The following FAM3B variants were observed in gnomAD, a reference collection of about 807,000 sequenced individuals.
FAM3B encodes FAM3 metabolism regulating signaling molecule B, also known as protein FAM3B.
In FAM3B, 29 loss-of-function variants were observed where a neutral mutation model predicts 28.4. The observed-to-expected ratio is 1.02, with a 90% confidence interval of 0.76 to 1.39. FAM3B has a LOEUF of 1.39. Ranked by LOEUF, FAM3B falls within the 40% of genes most tolerant of loss-of-function variation. The probability of loss-of-function intolerance (pLI) is 0.00; values close to 1 mark genes in which losing one functional copy is unlikely to be tolerated. For synonymous variants in FAM3B, 91 were observed against 103.0 expected (o/e 0.88, Z 0.71); for missense variants, 266 against 293.9 (o/e 0.91, Z 0.69).
Position 41,354,310 on chromosome 21 carries a change from T to C in FAM3B, c.619-2798T>C, listed in dbSNP as rs114746748. Among the ~76,000 whole-genome samples, 806 of 152,334 alleles carry C rather than the reference T, an allele frequency of 5.3e-3. 5 individuals carry two copies. Among genetic ancestry groups the C allele is most frequent in the African/African-American group, 0.019 (771 of 41,570 alleles). Reference sequence around the variant, plus strand: ...GAATATTCCTAACAAATTATATTTGTTATAAGTAAAATTTAATATTCAAAA... The same window carrying C: ...GAATATTCCTAACAAATTATATTTGCTATAAGTAAAATTTAATATTCAAAA... On this transcript the variant is annotated intron_variant, in intron 7 of 7. Transcript: ENST00000357985.
At chr21:41,304,378 T>A (rs1258811054) in intron 1 of FAM3B, 2 of 451,138 alleles carry the variant, frequency 4.4e-6, no homozygotes, top group Non-Finnish European at 8.9e-6. Flanking sequence ...CGCCTGCATC[T>A]GGGACCCTGA....
chr21:41,333,505 C>T (rs567022441), intron 2 of FAM3B, among the ~76,000 whole-genome samples: 50 of 152,306 alleles, frequency 3.3e-4, no homozygotes, highest in African/African-American at 1.2e-3. Context: ...ATGCCTGCTA[C>T]CCCTTTGGCT....
intron 7 of FAM3B, among the ~76,000 whole-genome samples, chr21:41,349,007 A>G (rs1272298721): frequency 6.6e-6 from 1 of 152,202 alleles, no homozygotes; most frequent in East Asian, 1.9e-4. Flanking sequence ...TACCTCCCCA[A>G]GCTCCTGCTA....
intron 6 of FAM3B, among the ~76,000 whole-genome samples, chr21:41,347,836 T>C (rs954815293): frequency 6.6e-6 from 1 of 152,010 alleles, no homozygotes; most frequent in Non-Finnish European, 1.5e-5. Context: ...TGTAGCTCAG[T>C]GCCTCTCAGA....
intron 2 of FAM3B, among the ~76,000 whole-genome samples, chr21:41,336,131 T>C (rs2088953305): frequency 6.6e-6 from 1 of 152,202 alleles, no homozygotes; most frequent in South Asian, 2.1e-4. Flanking sequence ...TTCCACCATG[T>C]CAGGACACAG....
intron 1 of FAM3B, 24 bp downstream of exon 1, chr21:41,316,922 C>G (rs1190635391): frequency 2.2e-6 from 3 of 1,346,442 alleles, no homozygotes; most frequent in Non-Finnish European, 2.9e-6. Context: ...CGCCTCGGGG[C>G]GAGGGTAGGG....
At chr21:41,356,040 TACACACACACAC>T (rs59345837) in intron 7 of FAM3B, among the ~76,000 whole-genome samples, 42 of 119,968 alleles carry the variant, frequency 3.5e-4, no homozygotes, top group East Asian at 4.9e-4. Context: ...AAAAAATACA[TACACACACACAC>T]ACACACACAC....
intron 2 of FAM3B, among the ~76,000 whole-genome samples, chr21:41,332,722 C>T (rs1045398578): frequency 1.3e-5 from 2 of 152,018 alleles, no homozygotes; most frequent in African/African-American, 4.8e-5. Context: ...TTCCTTTTTT[C>T]GGTGTATAAT....
intron 7 of FAM3B, among the ~76,000 whole-genome samples, chr21:41,356,038 C>A (rs1020386929): frequency 1.7e-5 from 2 of 115,252 alleles, no homozygotes; most frequent in Admixed American, 8.6e-5. Context: ...GAAAAAAATA[C>A]ATACACACAC....
chr21:41,304,302 C>A, exon 1 of FAM3B: 1 of 455,930 alleles, frequency 2.2e-6, no homozygotes, highest in Non-Finnish European at 4.4e-6. Flanking sequence ...GGCAGGAGCC[C>A]GAGACTGGGT....
rs148661800 is a variant in FAM3B, at chr21:41,304,774, T to C, written n.99+464T>C. 2.0e-4 allele frequency among the ~76,000 whole-genome samples: 31 copies of C among 152,182 alleles called. No individual in the cohort carries two copies. In the East Asian group the frequency reaches 4.6e-3, roughly 23 times the overall value. Reference sequence around the variant, plus strand: ...ATCCTCCTGCTTGTCCCTGAAAACATTGGGAGCCATGGAGGCTTTCATCTG... The same window carrying C: ...ATCCTCCTGCTTGTCCCTGAAAACACTGGGAGCCATGGAGGCTTTCATCTG... On this transcript the variant is annotated intron_variant and non_coding_transcript_variant, in intron 1 of 9. Transcript: ENST00000479810.
chr21:41,344,937 C>T (rs1218438441), intron 4 of FAM3B, among the ~76,000 whole-genome samples: 3 of 152,162 alleles, frequency 2.0e-5, no homozygotes, highest in Non-Finnish European at 4.4e-5. Flanking sequence ...GCCACTGCAA[C>T]CTCGTGGGAA....
At position 41,322,909 on chromosome 21, in the gene FAM3B, T is replaced by C. The variant is rs780113803; in HGVS notation, c.20-14T>C. On this transcript the variant is annotated splice_polypyrimidine_tract_variant and intron_variant, in intron 1 of 7. Coordinates refer to ENST00000357985, the MANE Select transcript of FAM3B (RefSeq NM_058186.4). ...CAAGTCGTTCACAGCAGCTGCTTGG[T>C]GTCCTCTCTGCAGGCCTGCTCAAGG... The C allele has an allele frequency of 1.2e-6, 2 of 1,614,112 alleles. No homozygotes were observed. Among genetic ancestry groups the C allele is most frequent in the Admixed American group, 3.3e-5 (2 of 60,030 alleles).
At chr21:41,333,772 G>A (rs1371193140) in intron 2 of FAM3B, among the ~76,000 whole-genome samples, 1 of 152,210 alleles carries the variant, frequency 6.6e-6, no homozygotes, top group African/African-American at 2.4e-5. Flanking sequence ...AGAGGTTGGA[G>A]AGTTTGGAGG....
intron 2 of FAM3B, among the ~76,000 whole-genome samples, chr21:41,325,788 TG>T (rs1470699413): frequency 6.6e-6 from 1 of 152,228 alleles, no homozygotes; most frequent in African/African-American, 2.4e-5. Context: ...ACAGCATATC[TG>T]GGGAAAGCCA....
chr21:41,339,120 A>T (rs923278332), intron 3 of FAM3B, among the ~76,000 whole-genome samples: 3 of 152,200 alleles, frequency 2.0e-5, no homozygotes, highest in Non-Finnish European at 4.4e-5. Context: ...GGGAAAATCC[A>T]TATAAGATTG....
At chr21:41,317,033 G>C (rs992769212) in intron 1 of FAM3B, 135 bp downstream of exon 1, 1 of 797,898 alleles carries the variant, frequency 1.3e-6, no homozygotes, top group Non-Finnish European at 1.7e-6. Context: ...CGCCGAGGCT[G>C]GTCTTAGACC....
chr21:41,338,796 G>A (rs1036610930), intron 3 of FAM3B, among the ~76,000 whole-genome samples: 2 of 152,176 alleles, frequency 1.3e-5, no homozygotes, highest in African/African-American at 2.4e-5. Context: ...TGGGTTCTAC[G>A]GGTGATGATA....
At position 41,334,470 on chromosome 21, in the gene FAM3B, C is replaced by A. The variant is rs888621020; in HGVS notation, c.164-3908C>A. Among the ~76,000 whole-genome samples the A allele has an allele frequency of 5.3e-5, 8 of 152,108 alleles. No homozygotes were observed. The East Asian group carries it at 1.5e-3, about 29-fold the overall frequency. ...AGCAGCTCTAGTTTCAGCCATGGCT[C>A]AAAGGGGCCCAGGTATAGCTCAAGC... On this transcript the variant is annotated intron_variant, in intron 2 of 7. Coordinates refer to ENST00000357985, the MANE Select transcript of FAM3B (RefSeq NM_058186.4).
Sources: gnomAD v4.1 joint callset for allele counts (sites outside exome capture counted in the v4.1 genomes callset) on GRCh38, gnomAD v4.1.1 for gene constraint, MANE v1.5 for transcripts, NCBI Gene and HGNC (gene_info 2026-07-23, HGNC 2026-07-21) for gene names.